WNT1: variants seen among roughly 807,000 people sequenced by gnomAD.
The protein encoded by WNT1 is proto-oncogene Wnt-1.
Under a neutral mutation model 21.3 loss-of-function variants are expected in WNT1, and 10 were observed. The observed-to-expected ratio is 0.47, with a 90% CI of 0.29 to 0.80. The LOEUF (loss-of-function observed/expected upper bound fraction) is 0.80. WNT1 is among the 30% of genes least tolerant of loss of function. WNT1 has a pLI of 0.09. For synonymous variants in WNT1, 208 were observed against 236.3 expected (o/e 0.88, Z 1.10); for missense variants, 476 against 534.1 (o/e 0.89, Z 1.07).
Position 48,979,669 on chromosome 12 carries a change from G to A in WNT1, c.306G>A (p.Trp102Ter), listed in dbSNP as rs1940984738. The change falls in exon 2 of 4, where the codon TGG becomes TGA. Residue 102 changes from tryptophan to a stop codon, truncating the protein, a stop_gained. Transcript: ENST00000293549. LOFTEE classifies it high-confidence loss of function. The surrounding 1 kb of genome is among the most constrained non-coding windows in gnomAD (Gnocchi z 6.0). ...ECKWQFRNRR[W>*]NCPTAPGPHL... The stretch of plus-strand genomic sequence containing the variant: ...AGTGGCAGTTCCGGAATCGCCGCTG[G>A]AACTGTCCCACTGCTCCAGGGCCCC... 6.2e-7 allele frequency: 1 copy of A among 1,611,778 alleles called. No individual in the cohort carries two copies. The highest frequency in any genetic ancestry group is 8.5e-7 in the Non-Finnish European group (1 of 1,178,582).
rs2137624233 is a variant in WNT1 at position 48,980,435 on chromosome 12, A to G, written c.370A>G (p.Thr124Ala). Residue 124 changes from threonine (T) to alanine (A), a missense_variant, in exon 3 of 4, where the codon ACG (threonine) becomes GCG (alanine). Physicochemically the swap from Thr to Ala is moderately conservative, Grantham distance 58. Transcript: ENST00000293549. This position sits in a 1 kb window ranked among gnomAD's most constrained non-coding sequence, Gnocchi z 7.0. ...CCCTTCTCCCACAGGCTGTCGAGAA[A>G]CGGCGTTTATCTTCGCTATCACCTC... ...GKIVNRGCRE[T>A]AFIFAITSAG... 2 of 1,614,162 alleles carry G rather than the reference A, an allele frequency of 1.2e-6. No individual in the cohort carries two copies. The highest frequency in any genetic ancestry group is 2.2e-5 in the East Asian group (1 of 44,876).
At position 48,979,408 on chromosome 12, in the gene WNT1, GT is replaced by G; in HGVS notation, c.105-55del. 6.5e-7 allele frequency: 1 copy of G among 1,538,622 alleles called. No homozygotes were observed. Among genetic ancestry groups the G allele is most frequent in the Admixed American group, 1.9e-5 (1 of 53,640 alleles). On this transcript the variant is annotated intron_variant, in intron 1 of 3. Transcript: ENST00000293549. The surrounding 1 kb of genome is among the most constrained non-coding windows in gnomAD (Gnocchi z 6.0). The stretch of plus-strand genomic sequence containing the variant: ...CCCAGGAAGAGGACCGGGTGGCACA[GT>G]TTTTATGGTTAGGGTGCGGATCCCC...
chr12:48,980,627 G>T lies in WNT1; in HGVS notation c.562G>T (p.Gly188Trp), dbSNP rs781034082. 3 of 1,599,470 alleles carry T rather than the reference G, an allele frequency of 1.9e-6. No individual in the cohort carries two copies. The East Asian group carries it at 6.7e-5, about 36-fold the overall frequency. Residue 188 changes from glycine (G) to tryptophan (W), a missense_variant, in exon 3 of 4, where the codon GGG (glycine) becomes TGG (tryptophan). Physicochemically the swap from Gly to Trp is radical, Grantham distance 184. Transcript: ENST00000293549. This position sits in a 1 kb window ranked among gnomAD's most constrained non-coding sequence, Gnocchi z 7.0. ...CTTCGGCCGGGAGTTCGTGGACTCC[G>T]GGGAGAAGGGGCGGGACCTGCGCTT... ...RLFGREFVDS[G>W]EKGRDLRFLM... is the part of the protein sequence containing the mutation.
In WNT1 at chr12:48,980,674, C is replaced by A; in HGVS notation, c.609C>A (p.Asn203Lys). Residue 203 changes from asparagine to lysine, a missense_variant, in exon 3 of 4, where the codon AAC becomes AAA. Coordinates refer to ENST00000293549, the MANE Select transcript of WNT1 (RefSeq NM_005430.4). The surrounding 1 kb of genome is among the most constrained non-coding windows in gnomAD (Gnocchi z 7.0). ...GCTTCCTCATGAACCTTCACAACAACGAGGCAGGCCGTACGGTGAGCTTTG... is the reference window on the plus strand; with the variant it reads ...GCTTCCTCATGAACCTTCACAACAAAGAGGCAGGCCGTACGGTGAGCTTTG... ...DLRFLMNLHNNEAGRTTVFSE... is the reference protein window; with the variant it reads ...DLRFLMNLHNKEAGRTTVFSE... The A allele has an allele frequency of 6.4e-7, 1 of 1,554,372 alleles. No homozygotes were observed. Among genetic ancestry groups the A allele is most frequent in the Non-Finnish European group, 8.7e-7 (1 of 1,150,582 alleles).
Position 48,980,360 on chromosome 12 carries a change from T to C in WNT1, c.359-64T>C, listed in dbSNP as rs1373512332. 6.3e-7 allele frequency: 1 copy of C among 1,596,402 alleles called. No individual in the cohort carries two copies. The highest frequency in any genetic ancestry group is 1.3e-5 in the African/African-American group (1 of 74,514). ...GGGGTGGGATTCCGGTCCCAAGCCC[T>C]TCATGAGGGTGCTGGCCGCGCCCCG... On this transcript the variant is annotated intron_variant, in intron 2 of 3. Coordinates refer to ENST00000293549, the MANE Select transcript of WNT1 (RefSeq NM_005430.4). This position sits in a 1 kb window ranked among gnomAD's most constrained non-coding sequence, Gnocchi z 7.0.
In WNT1 at chr12:48,981,559, CT is replaced by C; in HGVS notation, c.1033del (p.Cys345AlafsTer48). 2 of 1,532,904 alleles carry C rather than the reference CT, an allele frequency of 1.3e-6. No individual in the cohort carries two copies. The highest frequency in any genetic ancestry group is 5.0e-5 in the East Asian group (2 of 40,172). 95.0% of individuals were successfully genotyped at this position (1,532,904 alleles called of 1,614,324 possible). A position where few individuals can be genotyped will look rare whatever the true frequency, so the allele number is the denominator to read the frequency against. ...CGCGCACGCAGCGCGTCACCGAGCG[CT>C]GCAACTGCACCTTCCACTGGTGCTG... ...RTRTQRVTER[C>X]NCTFHWCCHV... On this transcript the variant is annotated frameshift_variant, in exon 4 of 4. Coordinates refer to ENST00000293549, the MANE Select transcript of WNT1 (RefSeq NM_005430.4). LOFTEE classifies it high-confidence loss of function. The surrounding 1 kb of genome is among the most constrained non-coding windows in gnomAD (Gnocchi z 7.4).
Position 48,978,588 on chromosome 12 carries a change from C to A in WNT1, c.-63C>A. ...CCGCCACCGCCGCGTCCCGTCCCAC[C>A]GTCGCGGGCAACAACCAAAGTCGCC... On this transcript the variant is annotated 5_prime_UTR_variant, in exon 1 of 4. Transcript: ENST00000293549. This position sits in a 1 kb window ranked among gnomAD's most constrained non-coding sequence, Gnocchi z 7.4. 8.1e-7 allele frequency: 1 copy of A among 1,238,184 alleles called. No individual in the cohort carries two copies. The highest frequency in any genetic ancestry group is 1.1e-6 in the Non-Finnish European group (1 of 877,314). 76.7% of individuals were successfully genotyped at this position (1,238,184 alleles called of 1,614,324 possible). A position where few individuals can be genotyped will look rare whatever the true frequency, so the allele number is the denominator to read the frequency against.
Position 48,980,753 on chromosome 12 carries a change from T to C in WNT1, c.624+64T>C. On this transcript the variant is annotated intron_variant, in intron 3 of 3. Transcript: ENST00000293549. This position sits in a 1 kb window ranked among gnomAD's most constrained non-coding sequence, Gnocchi z 7.0. Reference sequence around the variant, plus strand: ...AGGGGCCAACCTCGGGCTGGGGAAGTGACGGTCGGTGAGATAAGGCAAGGG... The same window carrying C: ...AGGGGCCAACCTCGGGCTGGGGAAGCGACGGTCGGTGAGATAAGGCAAGGG... The C allele has an allele frequency of 6.8e-7, 1 of 1,472,458 alleles. No individual in the cohort carries two copies. Among genetic ancestry groups the C allele is most frequent in the Non-Finnish European group, 9.0e-7 (1 of 1,111,888 alleles). 91.2% of individuals were successfully genotyped at this position (1,472,458 alleles called of 1,614,324 possible). A position where few individuals can be genotyped will look rare whatever the true frequency, so the allele number is the denominator to read the frequency against.
In WNT1 at chr12:48,979,450, T is replaced by A; in HGVS notation, c.105-18T>A. On this transcript the variant is annotated intron_variant, in intron 1 of 3. Coordinates refer to ENST00000293549, the MANE Select transcript of WNT1 (RefSeq NM_005430.4). The surrounding 1 kb of genome is among the most constrained non-coding windows in gnomAD (Gnocchi z 6.0). ...GCGGATCCCCTTCCTGAGCCTGAGC[T>A]ATCATACGTCCCACCAGGGGTATTG... 6.3e-7 allele frequency: 1 copy of A among 1,587,088 alleles called. No homozygotes were observed. Among genetic ancestry groups the A allele is most frequent in the South Asian group, 1.1e-5 (1 of 90,306 alleles).
rs1450809768 is a variant in WNT1 at position 48,981,368 on chromosome 12, C to T, written c.841C>T (p.His281Tyr). ...GCGCCTGGAGCCGGAAGACCCGGCCCACAAACCGCCCTCCCCCCACGACCT... is the reference window on the plus strand; with the variant it reads ...GCGCCTGGAGCCGGAAGACCCGGCCTACAAACCGCCCTCCCCCCACGACCT... Reference protein sequence around the residue: ...LLRLEPEDPAHKPPSPHDLVY... With the variant: ...LLRLEPEDPAYKPPSPHDLVY... Residue 281 changes from histidine to tyrosine, a missense_variant, in exon 4 of 4, where the codon CAC becomes TAC. His to Tyr is a moderately conservative substitution (Grantham distance 83, BLOSUM62 2). Coordinates refer to ENST00000293549, the MANE Select transcript of WNT1 (RefSeq NM_005430.4). This position sits in a 1 kb window ranked among gnomAD's most constrained non-coding sequence, Gnocchi z 7.4. The T allele has an allele frequency of 2.9e-5, 46 of 1,572,550 alleles. No homozygotes were observed. The highest frequency in any genetic ancestry group is 4.0e-5 in the Non-Finnish European group (46 of 1,158,826).
Position 48,980,357 on chromosome 12 carries a change from C to G in WNT1, c.359-67C>G. The G allele has an allele frequency of 6.3e-7, 1 of 1,583,526 alleles. No homozygotes were observed. Among genetic ancestry groups the G allele is most frequent in the Non-Finnish European group, 8.6e-7 (1 of 1,156,706 alleles). On this transcript the variant is annotated intron_variant, in intron 2 of 3. Transcript: ENST00000293549. This position sits in a 1 kb window ranked among gnomAD's most constrained non-coding sequence, Gnocchi z 7.0. Reference sequence around the variant, plus strand: ...TCGGGGGTGGGATTCCGGTCCCAAGCCCTTCATGAGGGTGCTGGCCGCGCC... The same window carrying G: ...TCGGGGGTGGGATTCCGGTCCCAAGGCCTTCATGAGGGTGCTGGCCGCGCC...
chr12:48,980,800 G>A lies in WNT1; in HGVS notation c.624+111G>A. 1 of 1,434,666 alleles carries A rather than the reference G, an allele frequency of 7.0e-7. No homozygotes were observed. Among genetic ancestry groups the A allele is most frequent in the Non-Finnish European group, 9.2e-7 (1 of 1,090,692 alleles). The allele number at this position is 1,434,666 out of a possible 1,614,324, so 88.9% of individuals were successfully genotyped here. On this transcript the variant is annotated intron_variant, in intron 3 of 3. Coordinates refer to ENST00000293549, the MANE Select transcript of WNT1 (RefSeq NM_005430.4). The surrounding 1 kb of genome is among the most constrained non-coding windows in gnomAD (Gnocchi z 7.0). ...AGGGGCACCAGGAGAGGGCGTCCTG[G>A]GAGAGCCGGAGGCTTGGAACGAAGA...
Position 48,981,093 on chromosome 12 carries a change from C to G in WNT1, c.625-59C>G, listed in dbSNP as rs1040369122. On this transcript the variant is annotated intron_variant, in intron 3 of 3. Transcript: ENST00000293549. The surrounding 1 kb of genome is among the most constrained non-coding windows in gnomAD (Gnocchi z 7.4). ...CGTGGCGTCCGGGAGAGGGCAGTGTCTGGGAGGGTGACTCTGGCCCGGTGC... is the reference window on the plus strand; with the variant it reads ...CGTGGCGTCCGGGAGAGGGCAGTGTGTGGGAGGGTGACTCTGGCCCGGTGC... The G allele has an allele frequency of 1.3e-6, 2 of 1,590,600 alleles. No homozygotes were observed. Among genetic ancestry groups the G allele is most frequent in the African/African-American group, 2.7e-5 (2 of 73,864 alleles).
chr12:48,980,828 G>T lies in WNT1; in HGVS notation c.624+139G>T. 1 of 1,382,296 alleles carries T rather than the reference G, an allele frequency of 7.2e-7. No individual in the cohort carries two copies. The highest frequency in any genetic ancestry group is 2.1e-4 in the Middle Eastern group (1 of 4,792). 85.6% of individuals were successfully genotyped at this position (1,382,296 alleles called of 1,614,324 possible). ...GAGCCGGAGGCTTGGAACGAAGACG[G>T]AGAATAGAGGAGACAGTGGCTGAGG... On this transcript the variant is annotated intron_variant, in intron 3 of 3. Transcript: ENST00000293549. This position sits in a 1 kb window ranked among gnomAD's most constrained non-coding sequence, Gnocchi z 7.0.
Position 48,978,376 on chromosome 12 carries a change from G to C in WNT1, c.-275G>C. On this transcript the variant is annotated 5_prime_UTR_variant, in exon 1 of 4. Transcript: ENST00000293549. This position sits in a 1 kb window ranked among gnomAD's most constrained non-coding sequence, Gnocchi z 7.4. ...TGCCCATTGTCTGCGCCCCTAACCG[G>C]TGCGCCCTGGTGCCACAGTGCGGCC... 3.9e-6 allele frequency: 2 copies of C among 510,206 alleles called. No individual in the cohort carries two copies. Among genetic ancestry groups the C allele is most frequent in the Non-Finnish European group, 7.0e-6 (2 of 285,954 alleles). The allele number at this position is 510,206 out of a possible 1,614,324, so 31.6% of individuals were successfully genotyped here. A position where few individuals can be genotyped will look rare whatever the true frequency, so the allele number is the denominator to read the frequency against.
chr12:48,981,319 C>T lies in WNT1; in HGVS notation c.792C>T (p.Asn264=). The part of the protein sequence containing the change: ...SRVLYGNRGS[N]RASRAELLRL... ...TCCTGTACGGCAACCGCGGCAGCAACCGCGCTTCGCGGGCGGAGCTGCTGC... is the reference window on the plus strand; with the variant it reads ...TCCTGTACGGCAACCGCGGCAGCAATCGCGCTTCGCGGGCGGAGCTGCTGC... Residue 264 remains asparagine, a synonymous_variant, in exon 4 of 4, where the codon AAC becomes AAT. Transcript: ENST00000293549. This position sits in a 1 kb window ranked among gnomAD's most constrained non-coding sequence, Gnocchi z 7.4. The T allele has an allele frequency of 6.4e-7, 1 of 1,571,400 alleles. No individual in the cohort carries two copies. The highest frequency in any genetic ancestry group is 8.6e-7 in the Non-Finnish European group (1 of 1,158,632).
In WNT1 at chr12:48,978,576, G is replaced by A; in HGVS notation, c.-75G>A. The stretch of plus-strand genomic sequence containing the variant: ...CTCTCGCCACTGCCGCCACCGCCGC[G>A]TCCCGTCCCACCGTCGCGGGCAACA... On this transcript the variant is annotated 5_prime_UTR_variant, in exon 1 of 4. Transcript: ENST00000293549. This position sits in a 1 kb window ranked among gnomAD's most constrained non-coding sequence, Gnocchi z 7.4. The A allele has an allele frequency of 9.0e-7, 1 of 1,112,588 alleles. No individual in the cohort carries two copies. 68.9% of individuals were successfully genotyped at this position (1,112,588 alleles called of 1,614,324 possible). A position where few individuals can be genotyped will look rare whatever the true frequency, so the allele number is the denominator to read the frequency against.
Position 48,980,891 on chromosome 12 carries a change from T to C in WNT1, c.624+202T>C, listed in dbSNP as rs1246720033. On this transcript the variant is annotated intron_variant, in intron 3 of 3. Transcript: ENST00000293549. The surrounding 1 kb of genome is among the most constrained non-coding windows in gnomAD (Gnocchi z 7.0). ...CTGGCCCGCGGACAGGTAGAAGAGG[T>C]TGCAAATCAAGCACAGTCTCTTCGC... is the stretch of plus-strand genomic sequence containing the variant. Among the ~76,000 whole-genome samples, 1 of 151,648 alleles carries C rather than the reference T, an allele frequency of 6.6e-6. No individual in the cohort carries two copies. The highest frequency in any genetic ancestry group is 1.5e-5 in the Non-Finnish European group (1 of 67,894).
Position 48,981,672 on chromosome 12 carries a change from C to T in WNT1, c.*32C>T, listed in dbSNP as rs1184476130. 3 of 1,424,638 alleles carry T rather than the reference C, an allele frequency of 2.1e-6. No individual in the cohort carries two copies. The highest frequency in any genetic ancestry group is 3.0e-5 in the South Asian group (2 of 66,670). The allele number at this position is 1,424,638 out of a possible 1,614,324, so 88.2% of individuals were successfully genotyped here. ...GCGCGGACTCGCCCCCAGGAACGCT[C>T]TCCTCGAGCCCTCCCCCAAACAGAC... On this transcript the variant is annotated 3_prime_UTR_variant, in exon 4 of 4. Transcript: ENST00000293549. The surrounding 1 kb of genome is among the most constrained non-coding windows in gnomAD (Gnocchi z 7.4).
Sources: gnomAD v4.1 joint callset for allele counts (sites outside exome capture counted in the v4.1 genomes callset) on GRCh38, gnomAD v4.1.1 for gene constraint, Gnocchi (gnomAD v3.1) non-coding constraint, MANE v1.5 for transcripts, NCBI Gene and HGNC (gene_info 2026-07-23, HGNC 2026-07-21) for gene names.